Variants in PTPRN2 observed in about 807,000 individuals in gnomAD.
PTPRN2 encodes the protein protein tyrosine phosphatase receptor type N2.
In PTPRN2, 74 loss-of-function variants were observed where a neutral mutation model predicts 118.8. The ratio of observed to expected loss-of-function variants is 0.62; its 90% confidence interval spans 0.52 to 0.76. PTPRN2 has a LOEUF of 0.76. Ranked by LOEUF, PTPRN2 falls within the 30% of genes least tolerant of loss-of-function variation. PTPRN2 has a pLI of 0.00. For missense variants in PTPRN2, 1,481 were observed against 1,394.4 expected, an observed-to-expected ratio of 1.06 and a Z score of -0.99; for synonymous variants, 641 against 608.0, an observed-to-expected ratio of 1.05 and a Z score of -0.80.
chr7:158,574,712 C>T lies in PTPRN2; in HGVS notation c.112+12846G>A, dbSNP rs935930715. Among the ~76,000 whole-genome samples the T allele has an allele frequency of 1.3e-5, 2 of 152,228 alleles. No homozygotes were observed. The highest frequency in any genetic ancestry group is 3.8e-4 in the East Asian group (2 of 5,196). ...TTCTTTCTTTTAAAGTTTGTTCTGC[C>T]ATAATTTAGGCCAAATTCTTCCTCT... On this transcript the variant is annotated intron_variant, in intron 1 of 22. Coordinates refer to ENST00000389418, the MANE Select transcript of PTPRN2 (RefSeq NM_002847.5). The surrounding 1 kb of genome is among the most constrained non-coding windows in gnomAD (Gnocchi z 4.6).
chr7:158,274,150 A>G, intron 3 of PTPRN2, among the ~76,000 whole-genome samples: 1 of 118,666 alleles, frequency 8.4e-6, no homozygotes, highest in East Asian at 2.8e-4. Flanking sequence ...AGGGAGCCGC[A>G]GACACAGGGG....
intron 3 of PTPRN2, among the ~76,000 whole-genome samples, chr7:158,305,473 G>C (rs953616359): frequency 6.6e-6 from 1 of 152,054 alleles, no homozygotes; most frequent in African/African-American, 2.4e-5. Context: ...ATTGTTTTTG[G>C]GTATTCCCCA....
chr7:157,919,367 ATAGT>A (rs1003693876), intron 11 of PTPRN2, among the ~76,000 whole-genome samples: 2 of 152,222 alleles, frequency 1.3e-5, no homozygotes, highest in Non-Finnish European at 2.9e-5. Context: ...AAATTACAAA[ATAGT>A]TAGAGAATAA....
intron 5 of PTPRN2, among the ~76,000 whole-genome samples, chr7:158,171,054 CACATATAT>C (rs1206843468): frequency 2.8e-4 from 20 of 72,534 alleles, no homozygotes; most frequent in East Asian, 2.7e-3. Context: ...CATATATATA[CACATATAT>C]ACACATTATA....
intron 2 of PTPRN2, among the ~76,000 whole-genome samples, chr7:158,405,232 T>C (rs1813315777): frequency 6.6e-6 from 1 of 152,156 alleles, no homozygotes; most frequent in Non-Finnish European, 1.5e-5. Context: ...ATCTCTAGAA[T>C]TCCTGGGTGT....
intron 12 of PTPRN2, among the ~76,000 whole-genome samples, chr7:157,851,215 T>TCCCTTAA (rs1809253649): frequency 6.6e-6 from 1 of 152,244 alleles, no homozygotes; most frequent in Non-Finnish European, 1.5e-5. Flanking sequence ...CTGTTTGGGT[T>TCCCTTAA]CCTGCCTCCT....
At chr7:158,319,494 T>G (rs1395771301) in intron 2 of PTPRN2, among the ~76,000 whole-genome samples, 3 of 35,250 alleles carry the variant, frequency 8.5e-5, no homozygotes, top group Admixed American at 3.4e-4. Flanking sequence ...TCCCTCACAC[T>G]CACACAGCCT....
intron 2 of PTPRN2, among the ~76,000 whole-genome samples, chr7:158,466,330 C>G (rs1819383657): frequency 6.6e-6 from 1 of 152,176 alleles, no homozygotes; most frequent in African/African-American, 2.4e-5. Context: ...TCCCACCCCC[C>G]AAACCATAAC....
rs193282222 is a variant in PTPRN2 at position 157,885,763 on chromosome 7, T to A, written c.1788+12910A>T. Among the ~76,000 whole-genome samples, 118 of 152,336 alleles carry A rather than the reference T, an allele frequency of 7.7e-4. 1 individual carries two copies. The highest frequency in any genetic ancestry group is 2.8e-3 in the African/African-American group (115 of 41,586). On this transcript the variant is annotated intron_variant, in intron 12 of 22. Transcript: ENST00000389418. Reference sequence around the variant, plus strand: ...TCTCCATGAGAAAAGGAACTTAATTTGATGTGGGGCTCAGTGTAGGGAGTG... The same window carrying A: ...TCTCCATGAGAAAAGGAACTTAATTAGATGTGGGGCTCAGTGTAGGGAGTG...
At chr7:158,168,038 T>C (rs1357183345) in intron 5 of PTPRN2, among the ~76,000 whole-genome samples, 1 of 152,232 alleles carries the variant, frequency 6.6e-6, no homozygotes, top group Non-Finnish European at 1.5e-5. Flanking sequence ...ACATGGTAAC[T>C]CGACATTTAA....
At chr7:158,475,483 G>A (rs866419564) in intron 2 of PTPRN2, among the ~76,000 whole-genome samples, 7 of 152,208 alleles carry the variant, frequency 4.6e-5, no homozygotes, top group Middle Eastern at 3.4e-3. Context: ...CAAGCCAGCC[G>A]TGCACCAGGG....
chr7:158,172,583 C>T (rs367749966), intron 5 of PTPRN2, among the ~76,000 whole-genome samples: 2 of 151,006 alleles, frequency 1.3e-5, no homozygotes, highest in East Asian at 2.0e-4. Context: ...ACAGCATCTC[C>T]ACTATCTCCA....
chr7:157,803,371 T>A (rs544504193), intron 12 of PTPRN2, among the ~76,000 whole-genome samples: 25 of 152,328 alleles, frequency 1.6e-4, no homozygotes, highest in African/African-American at 5.3e-4. Context: ...CCACTCACCC[T>A]ACCTTTCGTG....
intron 9 of PTPRN2, among the ~76,000 whole-genome samples, chr7:158,114,223 C>T (rs1156628326): frequency 6.6e-6 from 1 of 152,136 alleles, no homozygotes; most frequent in Non-Finnish European, 1.5e-5. Flanking sequence ...GGGCCAAGGA[C>T]TCACCAGGAT....
chr7:158,306,124 G>A (rs935778284), intron 3 of PTPRN2, among the ~76,000 whole-genome samples: 2 of 152,176 alleles, frequency 1.3e-5, no homozygotes, highest in Non-Finnish European at 2.9e-5. Context: ...TCTTTCCCTG[G>A]GGGCATTTGT....
intron 10 of PTPRN2, among the ~76,000 whole-genome samples, chr7:158,091,921 T>G (rs1188744266): frequency 2.0e-5 from 2 of 101,992 alleles, no homozygotes. Flanking sequence ...GAGAGATGGT[T>G]GGGTGGGTGG....
chr7:158,272,337 C>T (rs897759702), intron 3 of PTPRN2, among the ~76,000 whole-genome samples: 20 of 152,326 alleles, frequency 1.3e-4, no homozygotes, highest in Admixed American at 5.2e-4. Context: ...CCGGTACCAA[C>T]GGTCAAGGAT....
chr7:158,214,446 CT>C (rs1827828150), intron 3 of PTPRN2, among the ~76,000 whole-genome samples: 1 of 151,362 alleles, frequency 6.6e-6, no homozygotes, highest in Non-Finnish European at 1.5e-5. Flanking sequence ...AAAGCAGCCT[CT>C]CTCTAATCAA....
intron 12 of PTPRN2, among the ~76,000 whole-genome samples, chr7:157,691,074 C>A (rs1355963607): frequency 1.7e-5 from 2 of 116,324 alleles, no homozygotes; most frequent in Non-Finnish European, 4.1e-5. Flanking sequence ...ATGTCCCCCC[C>A]CCCCCCCACA....
Sources: allele counts gnomAD v4.1 joint callset (sites outside exome capture counted in the v4.1 genomes callset), GRCh38; gene constraint gnomAD v4.1.1; non-coding constraint Gnocchi (gnomAD v3.1); transcripts MANE v1.5; gene names NCBI Gene and HGNC (gene_info 2026-07-23, HGNC 2026-07-21).